The following CNTN3 variants were observed in gnomAD, a reference collection of about 807,000 sequenced individuals.
The protein encoded by CNTN3 is contactin-3.
In CNTN3, 60 loss-of-function variants were observed where a neutral mutation model predicts 119.1. The observed-to-expected ratio is 0.50, with a 90% confidence interval of 0.41 to 0.62. The LOEUF (loss-of-function observed/expected upper bound fraction) is 0.62. Ranked by LOEUF, CNTN3 falls within the 20% of genes least tolerant of loss-of-function variation. The probability of loss-of-function intolerance (pLI) is 0.00; values close to 1 mark genes in which losing one functional copy is unlikely to be tolerated. For missense variants in CNTN3, 1,101 were observed against 1,242.4 expected (o/e 0.89, Z 1.71); for synonymous variants, 450 against 438.7 (o/e 1.03, Z -0.32).
intron 4 of CNTN3, among the ~76,000 whole-genome samples, chr3:74,439,799 G>A (rs951927722): frequency 6.6e-6 from 1 of 152,118 alleles, no homozygotes; most frequent in African/African-American, 2.4e-5. Context: ...TTTGAAAGTC[G>A]TATTTAGGTA....
chr3:74,359,550 G>T (rs1178888657), intron 11 of CNTN3, among the ~76,000 whole-genome samples: 1 of 152,018 alleles, frequency 6.6e-6, no homozygotes, highest in South Asian at 2.1e-4. Flanking sequence ...ATCTATACTT[G>T]TATTAAGTAT....
chr3:74,470,671 C>G (rs79536133), intron 4 of CNTN3, among the ~76,000 whole-genome samples: 2,419 of 152,194 alleles, frequency 0.016, 57 homozygotes, highest in African/African-American at 0.053. Context: ...GGAATAGAAA[C>G]TTTTCAGGTT....
At chr3:74,489,300 C>G (rs1702917988) in intron 3 of CNTN3, among the ~76,000 whole-genome samples, 1 of 152,028 alleles carries the variant, frequency 6.6e-6, no homozygotes, top group Admixed American at 6.6e-5. Flanking sequence ...CAACAAGTAA[C>G]CATGGACTGC....
chr3:74,544,677 C>A (rs893194929), intron 1 of CNTN3, among the ~76,000 whole-genome samples: 3 of 152,156 alleles, frequency 2.0e-5, no homozygotes, highest in African/African-American at 7.2e-5. Context: ...CAGCTCAAGG[C>A]AACCTCCACC....
chr3:74,389,099 AT>A (rs1704829886), intron 5 of CNTN3, among the ~76,000 whole-genome samples: 1 of 152,234 alleles, frequency 6.6e-6, no homozygotes, highest in Non-Finnish European at 1.5e-5. Flanking sequence ...AATTTTAATT[AT>A]TAAAAACTAC....
At chr3:74,580,830 C>A (rs1243195711) in intron 1 of CNTN3, among the ~76,000 whole-genome samples, 1 of 152,168 alleles carries the variant, frequency 6.6e-6, no homozygotes, top group Non-Finnish European at 1.5e-5. Flanking sequence ...GTGACCCTCC[C>A]ACCTCAGCCT....
chr3:74,557,696 T>C (rs985851138), intron 1 of CNTN3, among the ~76,000 whole-genome samples: 6 of 146,224 alleles, frequency 4.1e-5, no homozygotes, highest in Non-Finnish European at 8.9e-5. Context: ...CCCTGTCACT[T>C]CAGGCTTCTC....
chr3:74,440,491 A>C (rs1181765891), intron 4 of CNTN3, among the ~76,000 whole-genome samples: 5 of 151,858 alleles, frequency 3.3e-5, no homozygotes, highest in Non-Finnish European at 7.4e-5. Flanking sequence ...AGCAAAAAAA[A>C]AAAAAAGTCT....
chr3:74,566,185 T>C (rs1490042945), intron 1 of CNTN3, among the ~76,000 whole-genome samples: 4 of 151,988 alleles, frequency 2.6e-5, no homozygotes, highest in Admixed American at 6.6e-5. Flanking sequence ...ACGGGTACAA[T>C]TGAGGAGAGT....
At chr3:74,376,168 C>A (rs1212281922) in intron 5 of CNTN3, among the ~76,000 whole-genome samples, 3 of 152,122 alleles carry the variant, frequency 2.0e-5, no homozygotes, top group Admixed American at 2.0e-4. Context: ...TGATGTGAGC[C>A]CATTGAGACT....
At chr3:74,346,800 C>T (rs964460364) in intron 11 of CNTN3, among the ~76,000 whole-genome samples, 1 of 151,782 alleles carries the variant, frequency 6.6e-6, no homozygotes. Flanking sequence ...CATGCATCCA[C>T]TCACCTGACC....
chr3:74,533,218 T>C (rs540682223), intron 1 of CNTN3, among the ~76,000 whole-genome samples: 1 of 151,908 alleles, frequency 6.6e-6, no homozygotes, highest in African/African-American at 2.4e-5. Context: ...TTTTATAGAG[T>C]CACTCCATTT....
chr3:74,291,739 C>A (rs1316634985), intron 19 of CNTN3, among the ~76,000 whole-genome samples: 1 of 152,124 alleles, frequency 6.6e-6, no homozygotes, highest in Non-Finnish European at 1.5e-5. Flanking sequence ...TCCTGCTCAG[C>A]TAATGGGAGA....
intron 13 of CNTN3, among the ~76,000 whole-genome samples, chr3:74,321,052 T>C (rs1046668152): frequency 6.6e-6 from 1 of 151,606 alleles, no homozygotes; most frequent in Non-Finnish European, 1.5e-5. Context: ...AAATACCAAA[T>C]GTTCTCAGTT....
rs545787920 is a variant in CNTN3, at chr3:74,546,887, T to C, written c.-80-25695A>G. Among the ~76,000 whole-genome samples the C allele has an allele frequency of 2.0e-5, 3 of 152,344 alleles. No individual in the cohort carries two copies. The South Asian group carries it at 6.2e-4, about 32-fold the overall frequency. Reference sequence around the variant, plus strand: ...TGGCTAATACACAGTCAAATACTCATGTTCACAAGCATTCAAATAATTTCA... The same window carrying C: ...TGGCTAATACACAGTCAAATACTCACGTTCACAAGCATTCAAATAATTTCA... On this transcript the variant is annotated intron_variant, in intron 1 of 22. Coordinates refer to ENST00000263665, the MANE Select transcript of CNTN3 (RefSeq NM_020872.3).
rs118181491 is a variant in CNTN3 at position 74,273,737 on chromosome 3, C to T, written c.2705-6359G>A. ...TCCTTCGGGAGGGTGGCCAGAGGCA[C>T]GAGGAAACCACCACAAGAAGGAAAT... is the stretch of plus-strand genomic sequence containing the variant. On this transcript the variant is annotated intron_variant, in intron 20 of 22. Transcript: ENST00000263665. 7.2e-4 allele frequency among the ~76,000 whole-genome samples: 110 copies of T among 152,212 alleles called. No individual in the cohort carries two copies. In the East Asian group the frequency reaches 0.015, roughly 21 times the overall value.
chr3:74,279,884 G>T (rs976323937), intron 20 of CNTN3, among the ~76,000 whole-genome samples: 9 of 152,130 alleles, frequency 5.9e-5, no homozygotes, highest in African/African-American at 2.2e-4. Context: ...TGAGGGGTTT[G>T]GGGTGAGGGG....
At chr3:74,335,810 A>G (rs912850203) in intron 12 of CNTN3, among the ~76,000 whole-genome samples, 4 of 152,090 alleles carry the variant, frequency 2.6e-5, no homozygotes, top group African/African-American at 9.7e-5. Context: ...AATTATCACT[A>G]AGAAATCTGT....
intron 5 of CNTN3, among the ~76,000 whole-genome samples, chr3:74,412,220 G>T (rs1240705105): frequency 1.3e-5 from 2 of 152,102 alleles, no homozygotes; most frequent in East Asian, 1.9e-4. Context: ...ATGTGTAATA[G>T]AATCTCACTC....
Sources: allele counts gnomAD v4.1 joint callset (sites outside exome capture counted in the v4.1 genomes callset), GRCh38; gene constraint gnomAD v4.1.1; transcripts MANE v1.5; gene names NCBI Gene and HGNC (gene_info 2026-07-23, HGNC 2026-07-21).